TMED5: variants seen among roughly 807,000 people sequenced by gnomAD.
The protein encoded by TMED5 is transmembrane emp24 domain-containing protein 5.
A neutral mutation model predicts 23.0 loss-of-function variants in TMED5; 27 were observed. The ratio of observed to expected loss-of-function variants is 1.17; its 90% CI spans 0.86 to 1.62. The LOEUF is 1.62. TMED5 is among the 40% of genes most tolerant of loss of function. TMED5 has a pLI of 0.00. For synonymous variants in TMED5, 97 were observed against 100.8 expected (o/e 0.96, Z 0.23); for missense variants, 248 against 273.7 (o/e 0.91, Z 0.66).
intron 2 of TMED5, among the ~76,000 whole-genome samples, chr1:93,157,863 G>C (rs1185170931): frequency 6.6e-6 from 1 of 152,112 alleles, no homozygotes; most frequent in Non-Finnish European, 1.5e-5. Flanking sequence ...AGTGGCTCAC[G>C]CCTATAATCC....
Position 93,152,460 on chromosome 1 carries a change from G to A in TMED5, c.*2210C>T, listed in dbSNP as rs887093805. On this transcript the variant is annotated 3_prime_UTR_variant, in exon 4 of 4. Coordinates refer to ENST00000370282, the MANE Select transcript of TMED5 (RefSeq NM_016040.5). ...TCTGTTTACAAGTTTTGCTTTTTTG[G>A]TTATGCCTCTTAAATATCTGTCTTT... The A allele has an allele frequency of 4.0e-5, 6 of 151,860 alleles. No individual in the cohort carries two copies. The highest frequency in any genetic ancestry group is 9.7e-5 in the African/African-American group (4 of 41,342). The allele number at this position is 151,860 out of a possible 1,614,324, so 9.4% of individuals were successfully genotyped here.
At chr1:93,175,738 TA>T (rs1648890824) in intron 1 of TMED5, among the ~76,000 whole-genome samples, 1 of 152,144 alleles carries the variant, frequency 6.6e-6, no homozygotes, top group Non-Finnish European at 1.5e-5. Context: ...TTGATATAGC[TA>T]TATTCTCCCA....
chr1:93,157,572 A>C (rs900848062), intron 2 of TMED5, among the ~76,000 whole-genome samples: 1 of 152,132 alleles, frequency 6.6e-6, no homozygotes, highest in African/African-American at 2.4e-5. Flanking sequence ...AAAAATTAAA[A>C]AATTAGCCGA....
intron 1 of TMED5, among the ~76,000 whole-genome samples, chr1:93,167,826 T>G (rs868376637): frequency 6.6e-6 from 1 of 152,352 alleles, no homozygotes; most frequent in South Asian, 2.1e-4. Flanking sequence ...ATCTTTGTTG[T>G]GTTCCAGATC....
In TMED5 at chr1:93,151,083, C is replaced by CCAT. The variant is rs1647857417; in HGVS notation, c.*3584_*3586dup. 1 of 152,176 alleles carries CCAT rather than the reference C, an allele frequency of 6.6e-6. No individual in the cohort carries two copies. Among genetic ancestry groups the CCAT allele is most frequent in the African/African-American group, 2.4e-5 (1 of 41,444 alleles). 9.4% of individuals were successfully genotyped at this position (152,176 alleles called of 1,614,324 possible). On this transcript the variant is annotated 3_prime_UTR_variant, in exon 4 of 4. Transcript: ENST00000370282. ...TCTTTCAGATGCAGGGATCCAGAGT[C>CCAT]CATCTCCATTGTGCCCTGTCTTATG... is the stretch of plus-strand genomic sequence containing the variant.
chr1:93,178,598 C>T (rs984146155), intron 1 of TMED5, among the ~76,000 whole-genome samples: 16 of 152,106 alleles, frequency 1.1e-4, no homozygotes, highest in Non-Finnish European at 1.9e-4. Flanking sequence ...TCCGTCTCCC[C>T]CACCTCCATG....
At chr1:93,156,807 C>CAAAAAAAAAAAAAAAAA in intron 2 of TMED5, among the ~76,000 whole-genome samples, 1 of 90,498 alleles carries the variant, frequency 1.1e-5, no homozygotes, top group Non-Finnish European at 2.3e-5. Flanking sequence ...GATCCTGTCT[C>CAAAAAAAAAAAAAAAAA]AAAAAAAAAA....
intron 3 of TMED5, among the ~76,000 whole-genome samples, chr1:93,155,820 A>G (rs1289481275): frequency 6.6e-6 from 1 of 152,118 alleles, no homozygotes; most frequent in Non-Finnish European, 1.5e-5. Flanking sequence ...AACTTTAGGT[A>G]TTTACCTATT....
At chr1:93,161,806 T>C (rs1351839910) in intron 1 of TMED5, 1 of 152,226 alleles carries the variant, frequency 6.6e-6, no homozygotes, top group East Asian at 1.9e-4. Context: ...ATATCCAACA[T>C]AGATGATAAG....
chr1:93,170,400 T>TA (rs572616011), intron 1 of TMED5, among the ~76,000 whole-genome samples: 291 of 152,288 alleles, frequency 1.9e-3, no homozygotes, highest in African/African-American at 6.9e-3. Context: ...GTGAGAAGCT[T>TA]AGCACCTGGG....
At chr1:93,178,733 TG>T (rs1189087674) in intron 1 of TMED5, among the ~76,000 whole-genome samples, 14 of 152,250 alleles carry the variant, frequency 9.2e-5, no homozygotes, top group Middle Eastern at 3.2e-3. Context: ...TTTTATTCTC[TG>T]TGCTTATCGT....
chr1:93,168,818 G>C (rs1192645119), intron 1 of TMED5, among the ~76,000 whole-genome samples: 1 of 152,212 alleles, frequency 6.6e-6, no homozygotes. Flanking sequence ...CTGGGCGACA[G>C]AGCGAGCAAG....
intron 1 of TMED5, among the ~76,000 whole-genome samples, chr1:93,169,064 T>C (rs996802777): frequency 6.6e-6 from 1 of 152,182 alleles, no homozygotes; most frequent in East Asian, 1.9e-4. Context: ...AGTAAGGATA[T>C]AGTTGAACTG....
chr1:93,176,847 A>G (rs559763351), intron 1 of TMED5, among the ~76,000 whole-genome samples: 6 of 152,228 alleles, frequency 3.9e-5, no homozygotes, highest in Non-Finnish European at 5.9e-5. Flanking sequence ...TTCACTCACC[A>G]TTGTATCCCT....
At position 93,156,497 on chromosome 1, in the gene TMED5, A is replaced by G; in HGVS notation, c.288-14T>C. On this transcript the variant is annotated splice_polypyrimidine_tract_variant and intron_variant, in intron 2 of 3. Coordinates refer to ENST00000370282, the MANE Select transcript of TMED5 (RefSeq NM_016040.5). ...TCAGTCTCTACACTGTATAAAAAAA[A>G]GTACATGTTTTAAGTTACCTGTATT... 1.9e-6 allele frequency: 3 copies of G among 1,603,284 alleles called. No homozygotes were observed. The highest frequency in any genetic ancestry group is 2.2e-5 in the South Asian group (2 of 89,636).
intron 3 of TMED5, chr1:93,155,906 A>G (rs1033949642): frequency 1.2e-5 from 6 of 490,918 alleles, no homozygotes; most frequent in Non-Finnish European, 2.2e-5. Flanking sequence ...AAAACACCCA[A>G]TGTTTTAATA....
chr1:93,160,009 T>A, intron 2 of TMED5, 120 bp downstream of exon 2: 1 of 597,736 alleles, frequency 1.7e-6, no homozygotes, highest in Non-Finnish European at 3.0e-6. Context: ...TGAACTGTTT[T>A]AAATCATATG....
intron 1 of TMED5, among the ~76,000 whole-genome samples, chr1:93,167,598 G>A (rs1425172764): frequency 2.6e-5 from 4 of 152,184 alleles, no homozygotes; most frequent in African/African-American, 7.2e-5. Flanking sequence ...TTTGTATGTT[G>A]ATTTTATATC....
At chr1:93,171,349 C>T (rs1400216612) in intron 1 of TMED5, among the ~76,000 whole-genome samples, 2 of 152,210 alleles carry the variant, frequency 1.3e-5, no homozygotes, top group African/African-American at 4.8e-5. Context: ...CTGTAACACT[C>T]ACCGCGAGGG....
Sources: allele counts gnomAD v4.1 joint callset (sites outside exome capture counted in the v4.1 genomes callset), GRCh38; gene constraint gnomAD v4.1.1; transcripts MANE v1.5; gene names NCBI Gene and HGNC (gene_info 2026-07-23, HGNC 2026-07-21).